STK32C: variants seen among roughly 807,000 people sequenced by gnomAD.
STK32C encodes serine/threonine kinase 32C.
A neutral mutation model predicts 56.5 loss-of-function variants in STK32C; 31 were observed. That is an observed-to-expected ratio of 0.55 (90% CI 0.41 to 0.74). The LOEUF is 0.74. STK32C is among the 30% of genes least tolerant of loss of function. The pLI is 0.00. For synonymous variants in STK32C, 309 were observed against 289.4 expected (o/e 1.07, Z -0.69); for missense variants, 544 against 676.9 (o/e 0.80, Z 2.18).
At chr10:132,225,158 C>T in intron 7 of STK32C, 75 bp downstream of exon 7, 1 of 1,265,022 alleles carries the variant, frequency 7.9e-7, no homozygotes, top group Admixed American at 2.5e-5. Flanking sequence ...GGGGCAGCCA[C>T]CCCCTCCCCA....
intron 1 of STK32C, among the ~76,000 whole-genome samples, chr10:132,299,036 C>T (rs993936292): frequency 2.0e-5 from 3 of 152,172 alleles, no homozygotes; most frequent in South Asian, 2.1e-4. Context: ...AGAACAAGAC[C>T]CAGCAGCACA....
At chr10:132,224,378 G>A (rs753031179) in intron 8 of STK32C, 29 bp downstream of exon 8, 6 of 1,506,418 alleles carry the variant, frequency 4.0e-6, no homozygotes, top group Non-Finnish European at 4.5e-6. Flanking sequence ...GTGCTCGGAG[G>A]GTGAGGAGGC....
At chr10:132,284,200 C>T (rs1341142118) in intron 1 of STK32C, among the ~76,000 whole-genome samples, 4 of 151,146 alleles carry the variant, frequency 2.6e-5, no homozygotes, top group African/African-American at 9.8e-5. Context: ...GCAGGGTCCG[C>T]AGCGGCTTGC....
At chr10:132,219,053 G>A (rs534807764) in intron 10 of STK32C, among the ~76,000 whole-genome samples, 2 of 152,262 alleles carry the variant, frequency 1.3e-5, no homozygotes, top group East Asian at 1.9e-4. Flanking sequence ...GAGAAGAGGG[G>A]AATGGGGCAT....
intron 2 of STK32C, 180 bp from the exon 3 acceptor site, chr10:132,228,308 G>A: frequency 2.9e-6 from 2 of 695,186 alleles, no homozygotes; most frequent in Non-Finnish European, 5.1e-6. Flanking sequence ...TGCCACATAT[G>A]GTAACATATT....
At chr10:132,302,167 T>C (rs1396098028) in intron 1 of STK32C, among the ~76,000 whole-genome samples, 1 of 152,220 alleles carries the variant, frequency 6.6e-6, no homozygotes, top group Non-Finnish European at 1.5e-5. Flanking sequence ...TCAGATCACC[T>C]TGGAGTGTCT....
chr10:132,241,089 C>A (rs1249377101), intron 2 of STK32C, among the ~76,000 whole-genome samples: 1 of 152,238 alleles, frequency 6.6e-6, no homozygotes, highest in Admixed American at 6.5e-5. Context: ...CCCAAACACT[C>A]CTAGTTAAGT....
chr10:132,233,473 C>G (rs1052326563), intron 2 of STK32C, among the ~76,000 whole-genome samples: 1 of 152,190 alleles, frequency 6.6e-6, no homozygotes, highest in Non-Finnish European at 1.5e-5. Context: ...CAGTTTTCCC[C>G]CGATGCCTAG....
intron 2 of STK32C, among the ~76,000 whole-genome samples, chr10:132,239,146 G>A (rs531741413): frequency 6.6e-6 from 1 of 152,348 alleles, no homozygotes; most frequent in Admixed American, 6.5e-5. Context: ...GCCACAGGCT[G>A]GAACCCTCAG....
chr10:132,312,109 C>T (rs944892560), upstream of STK32C, among the ~76,000 whole-genome samples: 5 of 152,144 alleles, frequency 3.3e-5, no homozygotes, highest in East Asian at 1.9e-4. Flanking sequence ...CAGGCTCAAG[C>T]GATCCTCCCA....
At chr10:132,295,080 C>A (rs922463968) in intron 1 of STK32C, among the ~76,000 whole-genome samples, 14 of 152,216 alleles carry the variant, frequency 9.2e-5, no homozygotes, top group African/African-American at 3.4e-4. Flanking sequence ...TCAATTCACA[C>A]GCCCACCGGC....
chr10:132,255,529 G>A lies in STK32C; in HGVS notation c.263-9574C>T, dbSNP rs560116316. Among the ~76,000 whole-genome samples, 22 of 152,322 alleles carry A rather than the reference G, an allele frequency of 1.4e-4. No individual in the cohort carries two copies. The South Asian group carries it at 3.3e-3, about 23-fold the overall frequency. On this transcript the variant is annotated intron_variant, in intron 1 of 11. Coordinates refer to ENST00000298630, the MANE Select transcript of STK32C (RefSeq NM_173575.4). This position sits in a 1 kb window ranked among gnomAD's most constrained non-coding sequence, Gnocchi z 4.6. ...GGGGCTAGAGACAGGCATGAGAGCC[G>A]CTGGGCAGGGGTGAGGAGGCTCCCG...
rs1417245452 is a variant in STK32C, at chr10:132,255,270, G to A, written c.263-9315C>T. ...GATGTCTGGCCCACACGGGGCTCCTGACTTAGGAAATACCGGGCCAGGTGG... is the reference window on the plus strand; with the variant it reads ...GATGTCTGGCCCACACGGGGCTCCTAACTTAGGAAATACCGGGCCAGGTGG... On this transcript the variant is annotated intron_variant, in intron 1 of 11. Coordinates refer to ENST00000298630, the MANE Select transcript of STK32C (RefSeq NM_173575.4). This position sits in a 1 kb window ranked among gnomAD's most constrained non-coding sequence, Gnocchi z 4.6. Among the ~76,000 whole-genome samples the A allele has an allele frequency of 6.6e-6, 1 of 152,114 alleles. No individual in the cohort carries two copies. The highest frequency in any genetic ancestry group is 2.4e-5 in the African/African-American group (1 of 41,410).
intron 1 of STK32C, chr10:132,330,616 T>C: frequency 1.5e-6 from 1 of 680,434 alleles, no homozygotes; most frequent in East Asian, 2.8e-5. Context: ...CAAGCGATCC[T>C]CTTGCCTCAC....
intron 10 of STK32C, among the ~76,000 whole-genome samples, chr10:132,216,996 C>T (rs562889002): frequency 4.3e-4 from 22 of 51,760 alleles, no homozygotes; most frequent in African/African-American, 1.0e-3. Context: ...ACAAAGTCCC[C>T]ACTGGGGCAC....
chr10:132,228,037 T>C lies in STK32C; in HGVS notation c.410A>G (p.Asn137Ser), dbSNP rs778904340. ...CAGGATCTCCAGCTCCCGGAAGACG[T>C]TGCGGACCTCGTCGCGCTCGATGCA... ...QQCIERDEVR[N>S]VFRELEILQE... Residue 137 changes from asparagine (N) to serine (S), a missense_variant, in exon 3 of 12, where the codon AAC becomes AGC. By Grantham distance (46) the Asn-to-Ser change is conservative (BLOSUM62 1). Transcript: ENST00000298630. 6.2e-7 allele frequency: 1 copy of C among 1,613,988 alleles called. No individual in the cohort carries two copies. The highest frequency in any genetic ancestry group is 8.5e-7 in the Non-Finnish European group (1 of 1,180,030).
rs1005978439 is a variant in STK32C at position 132,328,320 on chromosome 10, G to C, written c.301+3116C>G. On this transcript the variant is annotated intron_variant, in intron 1 of 1. Transcript: ENST00000368619. ...GTTTTCTGCTCCTGGGTGGGTGCCCGAACTGCCGGAGCGAGATTACAGGTC... is the reference window on the plus strand; with the variant it reads ...GTTTTCTGCTCCTGGGTGGGTGCCCCAACTGCCGGAGCGAGATTACAGGTC... 3.9e-5 allele frequency among the ~76,000 whole-genome samples: 6 copies of C among 152,136 alleles called. No individual in the cohort carries two copies. The East Asian group carries it at 9.7e-4, about 25-fold the overall frequency.
In STK32C at chr10:132,210,133, T is replaced by C. The variant is rs143153844; in HGVS notation, c.1252-1032A>G. ...CAGTGACGGAAGCATCGTTATGCAA[T>C]GCGTGACAACAGTCTGCGTTCACCC... On this transcript the variant is annotated intron_variant, in intron 10 of 11. Coordinates refer to ENST00000298630, the MANE Select transcript of STK32C (RefSeq NM_173575.4). Among the ~76,000 whole-genome samples the C allele has an allele frequency of 3.2e-3, 484 of 152,370 alleles. 3 individuals carry two copies. The highest frequency in any genetic ancestry group is 0.011 in the African/African-American group (460 of 41,590).
Position 132,222,893 on chromosome 10 carries a change from C to G in STK32C, c.1087G>C (p.Glu363Gln). 2.5e-6 allele frequency: 4 copies of G among 1,571,452 alleles called. No homozygotes were observed. Among genetic ancestry groups the G allele is most frequent in the Non-Finnish European group, 3.4e-6 (4 of 1,161,686 alleles). ...LAGVLWDHLS[E>Q]KRVEPGFVPN... ...ACGAAGCCCGGCTCCACCCTCTTCT[C>G]GCTCAGGTGGTCCCACAGCACGCCG... The change falls in exon 9 of 12, where the codon GAG becomes CAG. Residue 363 changes from glutamate to glutamine, a missense_variant. By Grantham distance (29) the Glu-to-Gln change is conservative. Coordinates refer to ENST00000298630, the MANE Select transcript of STK32C (RefSeq NM_173575.4).
Sources: allele counts gnomAD v4.1 joint callset (sites outside exome capture counted in the v4.1 genomes callset), GRCh38; gene constraint gnomAD v4.1.1; non-coding constraint Gnocchi (gnomAD v3.1); transcripts MANE v1.5; gene names NCBI Gene and HGNC (gene_info 2026-07-23, HGNC 2026-07-21).